The following CDC42 variants were observed in gnomAD, a reference collection of about 807,000 sequenced individuals.
The protein encoded by CDC42 is cell division control protein 42 homolog.
Under a neutral mutation model 20.8 loss-of-function variants are expected in CDC42, and 1 was observed. That is an observed-to-expected ratio of 0.05 (90% confidence interval 0.02 to 0.23). CDC42 has a LOEUF of 0.23. CDC42 is among the 10% of genes least tolerant of loss of function. CDC42 has a pLI of 1.00. For synonymous variants in CDC42, 72 were observed against 84.8 expected (o/e 0.85, Z 0.83); for missense variants, 49 against 227.9 (o/e 0.21, Z 5.05).
At chr1:22,078,793 G>C (rs763721408) in intron 2 of CDC42, 3 of 1,443,714 alleles carry the variant, frequency 2.1e-6, no homozygotes, top group Non-Finnish European at 1.8e-6. Context: ...GGGTTTGCAA[G>C]AAGTGCTGGG....
chr1:22,069,592 G>A (rs1645461360), intron 1 of CDC42, among the ~76,000 whole-genome samples: 1 of 144,790 alleles, frequency 6.9e-6, no homozygotes, highest in Non-Finnish European at 1.5e-5. Flanking sequence ...CAGTAGTTGG[G>A]ACTACAGGCA....
At chr1:22,070,443 CTTTTTTTTTTTTTTTTTTTTTTTTTT>C (rs567184632) in intron 1 of CDC42, among the ~76,000 whole-genome samples, 25 of 60,370 alleles carry the variant, frequency 4.1e-4, no homozygotes, top group Admixed American at 1.1e-3. Flanking sequence ...GCCTTTGCCT[CTTTTTTTTTTTTTTTTTTTTTTTTTT>C]TTTTTTTTTT....
intron 1 of CDC42, among the ~76,000 whole-genome samples, chr1:22,057,019 A>T (rs1331200393): frequency 6.6e-6 from 1 of 152,206 alleles, no homozygotes; most frequent in Non-Finnish European, 1.5e-5. Context: ...CTTGATTGGT[A>T]TATTGCTACT....
At chr1:22,079,766 T>C (rs1645589711) in intron 2 of CDC42, among the ~76,000 whole-genome samples, 1 of 152,226 alleles carries the variant, frequency 6.6e-6, no homozygotes, top group African/African-American at 2.4e-5. Context: ...AGAATTTTTC[T>C]GTTTCAGTCT....
chr1:22,090,750 A>G (rs940294884), intron 5 of CDC42: 3 of 984,880 alleles, frequency 3.0e-6, no homozygotes, highest in African/African-American at 3.5e-5. Flanking sequence ...TGAGGGAAAT[A>G]TACAATTGTG....
intron 1 of CDC42, among the ~76,000 whole-genome samples, chr1:22,053,974 C>G (rs1441027587): frequency 6.6e-6 from 1 of 152,126 alleles, no homozygotes; most frequent in Non-Finnish European, 1.5e-5. Flanking sequence ...GAACACTTTT[C>G]GGTCCAAAAT....
At chr1:22,060,931 CTATTT>C (rs1471556152) in intron 1 of CDC42, among the ~76,000 whole-genome samples, 1 of 151,954 alleles carries the variant, frequency 6.6e-6, no homozygotes, top group Non-Finnish European at 1.5e-5. Context: ...TTTTATTTTG[CTATTT>C]TATTCGTGCT....
chr1:22,093,314 C>G lies in CDC42; in HGVS notation c.*1797C>G, dbSNP rs905179736. ...GTTTTCTGCATCAGTGGTTCTCCAA[C>G]TGGAGTGCAGCTTGAACAATGTGAT... On this transcript the variant is annotated 3_prime_UTR_variant, in exon 6 of 6. Coordinates refer to ENST00000656825, the MANE Select transcript of CDC42 (RefSeq NM_001791.4). Among the ~76,000 whole-genome samples, 2 of 152,176 alleles carry G rather than the reference C, an allele frequency of 1.3e-5. No homozygotes were observed. Among genetic ancestry groups the G allele is most frequent in the Non-Finnish European group, 2.9e-5 (2 of 68,016 alleles).
chr1:22,062,718 C>T (rs893751094), intron 1 of CDC42, among the ~76,000 whole-genome samples: 16 of 104,232 alleles, frequency 1.5e-4, no homozygotes, highest in African/African-American at 5.0e-4. Flanking sequence ...ATAGTGAGAC[C>T]GTGGCTCTAT....
chr1:22,062,730 TAAA>T (rs531472151), intron 1 of CDC42, among the ~76,000 whole-genome samples: 375 of 69,374 alleles, frequency 5.4e-3, no homozygotes, highest in Non-Finnish European at 7.2e-3. Flanking sequence ...TGGCTCTATT[TAAA>T]AAAAAAAAAA....
At chr1:22,088,313 T>C (rs1439093267) in intron 5 of CDC42, among the ~76,000 whole-genome samples, 5 of 152,232 alleles carry the variant, frequency 3.3e-5, no homozygotes, top group African/African-American at 9.6e-5. Context: ...GGAAGACACA[T>C]AGGCCCTGTG....
intron 1 of CDC42, among the ~76,000 whole-genome samples, chr1:22,076,592 T>C (rs1014374517): frequency 6.6e-6 from 1 of 152,230 alleles, no homozygotes; most frequent in African/African-American, 2.4e-5. Context: ...ACATACTTCA[T>C]AGGCTTTTTG....
intron 1 of CDC42, among the ~76,000 whole-genome samples, chr1:22,069,445 G>A (rs964571202): frequency 6.6e-6 from 1 of 151,286 alleles, no homozygotes; most frequent in African/African-American, 2.4e-5. Context: ...CAAAGTGCTG[G>A]GATTATAGGC....
chr1:22,055,484 T>C (rs1452508588), intron 1 of CDC42, among the ~76,000 whole-genome samples: 2 of 147,904 alleles, frequency 1.4e-5, no homozygotes, highest in African/African-American at 2.5e-5. Flanking sequence ...AAAAAAAAAA[T>C]TGGTGATTTT....
intron 5 of CDC42, among the ~76,000 whole-genome samples, chr1:22,087,868 C>T (rs1645676523): frequency 6.6e-6 from 1 of 152,134 alleles, no homozygotes; most frequent in Non-Finnish European, 1.5e-5. Flanking sequence ...ATTACATATG[C>T]ACTAGGTATT....
chr1:22,094,294 A>ATTTTTTTTTTTTTTTTTTTTTTTT lies in CDC42; in HGVS notation c.*2798_*2799insTTTTTTTTTTTTTTTTTTTTTTTT, dbSNP rs747002932. On this transcript the variant is annotated 3_prime_UTR_variant, in exon 6 of 6. Transcript: ENST00000656825. ...GTTTTACTGAACATCCTAGAAATAG[A>ATTTTTTTTTTTTTTTTTTTTTTTT]TTTTTTTTTTTTTTTTTTTTTGAGA... Among the ~76,000 whole-genome samples, 6 of 38,302 alleles carry ATTTTTTTTTTTTTTTTTTTTTTTT rather than the reference A, an allele frequency of 1.6e-4. 3 individuals are homozygous for ATTTTTTTTTTTTTTTTTTTTTTTT. The highest frequency in any genetic ancestry group is 7.3e-4 in the African/African-American group (6 of 8,200). 25.1% of individuals were successfully genotyped at this position (38,302 alleles called of 152,430 possible).
chr1:22,082,464 C>T (rs1261736573), intron 3 of CDC42, among the ~76,000 whole-genome samples: 1 of 152,174 alleles, frequency 6.6e-6, no homozygotes, highest in Non-Finnish European at 1.5e-5. Flanking sequence ...TTCCTCAGTG[C>T]TATTTCTTGT....
At chr1:22,084,505 T>G (rs17425702) in intron 3 of CDC42, among the ~76,000 whole-genome samples, 4,013 of 152,194 alleles carry the variant, frequency 0.026, 80 homozygotes, top group African/African-American at 0.051. Context: ...TTTGCCCATT[T>G]TTGAATTGGG....
intron 5 of CDC42, chr1:22,090,266 T>C (rs1645702682): frequency 1.7e-6 from 2 of 1,200,272 alleles, no homozygotes; most frequent in African/African-American, 3.1e-5. Flanking sequence ...AGTTGCCTGA[T>C]GCTCAGAGCT....
Sources: allele counts gnomAD v4.1 joint callset (sites outside exome capture counted in the v4.1 genomes callset), GRCh38; gene constraint gnomAD v4.1.1; transcripts MANE v1.5; gene names NCBI Gene and HGNC (gene_info 2026-07-23, HGNC 2026-07-21).